Variants in SNX19 observed in about 807,000 individuals in gnomAD.
SNX19 encodes the protein sorting nexin-19.
A neutral mutation model predicts 85.2 loss-of-function variants in SNX19; 60 were observed. The observed-to-expected ratio is 0.70, with a 90% confidence interval of 0.57 to 0.87. The LOEUF (loss-of-function observed/expected upper bound fraction) is 0.87. SNX19 is among the 40% of genes least tolerant of loss of function. SNX19 has a pLI of 0.00. For synonymous variants in SNX19, 520 were observed against 470.0 expected (o/e 1.11, Z -1.38); for missense variants, 1,201 against 1,217.8 (o/e 0.99, Z 0.21).
At chr11:130,905,742 T>C in intron 7 of SNX19, 1 of 1,536,822 alleles carries the variant, frequency 6.5e-7, no homozygotes, top group Non-Finnish European at 8.7e-7. Flanking sequence ...TTCCTGTGTT[T>C]GTGCCCTGTT....
At chr11:130,886,631 A>G (rs1944096472) in intron 8 of SNX19, among the ~76,000 whole-genome samples, 1 of 152,162 alleles carries the variant, frequency 6.6e-6, no homozygotes, top group African/African-American at 2.4e-5. Context: ...AGTAGCAGCA[A>G]TCTATAGGGT....
rs77932631 is a variant in SNX19, at chr11:130,886,346, T to C, written c.2574-5540A>G. On this transcript the variant is annotated intron_variant, in intron 8 of 10. Coordinates refer to ENST00000265909, the MANE Select transcript of SNX19 (RefSeq NM_014758.3). ...ATATGTGTGTATGCGCCTGTGCCTA[T>C]GTGCATGCTCACAGTGGGCTGCAAC... 1.1e-3 allele frequency among the ~76,000 whole-genome samples: 174 copies of C among 152,310 alleles called. 1 individual carries two copies. Among genetic ancestry groups the C allele is most frequent in the African/African-American group, 3.6e-3 (149 of 41,574 alleles).
chr11:130,898,343 G>A (rs2135360139), intron 8 of SNX19, among the ~76,000 whole-genome samples: 1 of 152,278 alleles, frequency 6.6e-6, no homozygotes, highest in Non-Finnish European at 1.5e-5. Flanking sequence ...ATTTTAAGGA[G>A]GAGATGCACT....
chr11:130,878,512 C>A lies in SNX19; in HGVS notation c.2889G>T (p.Leu963Phe). ...ACTCCTCAACAGAGGCACTGAGATC[C>A]AAGAATTCCAGGATGATGTCCCCAA... ...YCLGDIILEF[L>F]DLSASVEESA... Residue 963 changes from leucine (L) to phenylalanine (F), a missense_variant, in exon 11 of 11, where the codon TTG becomes TTT. Transcript: ENST00000265909. The A allele has an allele frequency of 6.2e-7, 1 of 1,613,782 alleles. No homozygotes were observed. Among genetic ancestry groups the A allele is most frequent in the Non-Finnish European group, 8.5e-7 (1 of 1,179,844 alleles).
At chr11:130,887,997 T>A (rs1009105267) in intron 8 of SNX19, among the ~76,000 whole-genome samples, 9 of 151,888 alleles carry the variant, frequency 5.9e-5, no homozygotes, top group Non-Finnish European at 1.3e-4. Context: ...ATACTTCTCA[T>A]ACAGCCGAAG....
rs1019177859 is a variant in SNX19 at position 130,874,865 on chromosome 11, C to CAA, written c.*3555_*3556dup. 1.3e-5 allele frequency among the ~76,000 whole-genome samples: 2 copies of CAA among 152,180 alleles called. No individual in the cohort carries two copies. The highest frequency in any genetic ancestry group is 2.1e-4 in the South Asian group (1 of 4,832). ...GCCATTATGAAAAAACAAAACATTACAAGTGTTGGAGAGGATGTGGAGAAA... is the reference window on the plus strand; with the variant it reads ...GCCATTATGAAAAAACAAAACATTACAAAAGTGTTGGAGAGGATGTGGAGAAA... On this transcript the variant is annotated 3_prime_UTR_variant, in exon 11 of 11. Transcript: ENST00000265909.
intron 7 of SNX19, among the ~76,000 whole-genome samples, chr11:130,904,966 T>G (rs901432187): frequency 2.0e-5 from 3 of 152,214 alleles, no homozygotes; most frequent in African/African-American, 7.2e-5. Context: ...TTTCACAGAC[T>G]TAAATTGAGG....
chr11:130,874,706 T>C lies in SNX19; in HGVS notation c.*3716A>G, dbSNP rs912575159. Among the ~76,000 whole-genome samples the C allele has an allele frequency of 6.6e-6, 1 of 152,232 alleles. No homozygotes were observed. The highest frequency in any genetic ancestry group is 1.5e-5 in the Non-Finnish European group (1 of 68,048). On this transcript the variant is annotated 3_prime_UTR_variant, in exon 11 of 11. Coordinates refer to ENST00000265909, the MANE Select transcript of SNX19 (RefSeq NM_014758.3). Reference sequence around the variant, plus strand: ...TCCTCCAGGACCTAACAACTGGTGTTGTGTGCTATGAGCAAAGGAAGAGCA... The same window carrying C: ...TCCTCCAGGACCTAACAACTGGTGTCGTGTGCTATGAGCAAAGGAAGAGCA...
chr11:130,878,990 G>A (rs1943455708), intron 10 of SNX19, among the ~76,000 whole-genome samples: 1 of 152,178 alleles, frequency 6.6e-6, no homozygotes, highest in African/African-American at 2.4e-5. Flanking sequence ...AGTCTACTTT[G>A]GGGTAGGGTT....
chr11:130,906,808 A>T lies in SNX19; in HGVS notation c.2166-87T>A. On this transcript the variant is annotated intron_variant, in intron 5 of 10. Transcript: ENST00000265909. ...GGCTGGCAAGTACTGATAATAAAAC[A>T]CAACAAGAATATCCATACTTATTCT... The T allele has an allele frequency of 3.3e-6, 3 of 922,532 alleles. 1 individual carries two copies. The South Asian group carries it at 4.1e-5, about 13-fold the overall frequency. The allele number at this position is 922,532 out of a possible 1,614,324, so 57.1% of individuals were successfully genotyped here. A position where few individuals can be genotyped will look rare whatever the true frequency, so the allele number is the denominator to read the frequency against.
At chr11:130,893,212 T>C (rs1046810009) in intron 8 of SNX19, among the ~76,000 whole-genome samples, 3 of 152,126 alleles carry the variant, frequency 2.0e-5, no homozygotes, top group Admixed American at 6.5e-5. Flanking sequence ...TAAGTAATTA[T>C]GTGCTCGCAG....
intron 8 of SNX19, among the ~76,000 whole-genome samples, chr11:130,902,865 C>T (rs1945350043): frequency 6.6e-6 from 1 of 152,190 alleles, no homozygotes. Flanking sequence ...TTCTCCTTTT[C>T]TTTCCCACTG....
At chr11:130,911,318 A>C (rs1005133759) in intron 2 of SNX19, 1 of 433,304 alleles carries the variant, frequency 2.3e-6, no homozygotes, top group Non-Finnish European at 3.3e-6. Context: ...AAGAACCACC[A>C]ATCTATGAAT....
chr11:130,885,221 C>T (rs2135298526), intron 8 of SNX19, among the ~76,000 whole-genome samples: 1 of 152,232 alleles, frequency 6.6e-6, no homozygotes, highest in South Asian at 2.1e-4. Context: ...ATTTTGACCC[C>T]AAGACATTCA....
Position 130,915,163 on chromosome 11 carries a change from C to T in SNX19, c.777G>A (p.Trp259Ter), listed in dbSNP as rs1263279185. 35 of 1,614,056 alleles carry T rather than the reference C, an allele frequency of 2.2e-5. No homozygotes were observed. Among genetic ancestry groups the T allele is most frequent in the Non-Finnish European group, 3.0e-5 (35 of 1,180,054 alleles). The change falls in exon 1 of 11, where the codon TGG (tryptophan) becomes TGA (stop). Residue 259 changes from tryptophan to a stop codon, truncating the protein, a stop_gained. Transcript: ENST00000265909. LOFTEE classifies it high-confidence loss of function. ...PLISRLSDPDWIHLVLVGIFS... is the reference protein window; with the variant it reads ...PLISRLSDPD The stretch of plus-strand genomic sequence containing the variant: ...AGATACCCACGAGTACAAGGTGGAT[C>T]CAGTCAGGATCTGACAGCCTGCTGA...
intron 6 of SNX19, 99 bp downstream of exon 6, chr11:130,906,526 A>C: frequency 1.2e-6 from 1 of 837,074 alleles, no homozygotes; most frequent in South Asian, 1.4e-5. Context: ...GTCATTTAGC[A>C]GGACATTTCT....
rs1187487872 is a variant in SNX19, at chr11:130,915,667, G to A, written c.273C>T (p.Cys91=). 2 of 1,614,124 alleles carry A rather than the reference G, an allele frequency of 1.2e-6. No individual in the cohort carries two copies. Among genetic ancestry groups the A allele is most frequent in the Admixed American group, 1.7e-5 (1 of 60,012 alleles). ...RFIPLATCPP[C]PEAERQLERE... ...GTTCCAGCTGCCTTTCTGCCTCAGG[G>A]CATGGAGGACAGGTGGCCAACGGGA... Residue 91 remains cysteine (C), a synonymous_variant, in exon 1 of 11, where the codon TGC becomes TGT. Transcript: ENST00000265909.
At position 130,914,915 on chromosome 11, in the gene SNX19, C is replaced by T. The variant is rs1946429423; in HGVS notation, c.1025G>A (p.Gly342Glu). The T allele has an allele frequency of 2.5e-6, 4 of 1,614,186 alleles. No individual in the cohort carries two copies. The highest frequency in any genetic ancestry group is 3.4e-6 in the Non-Finnish European group (4 of 1,180,040). The change falls in exon 1 of 11, where the codon GGG becomes GAG. Residue 342 changes from glycine (G) to glutamate (E), a missense_variant. Gly to Glu is a moderately conservative substitution (Grantham distance 98). Coordinates refer to ENST00000265909, the MANE Select transcript of SNX19 (RefSeq NM_014758.3). ...GHEAVEGDLG[G>E]MCEERKVGNN... is the part of the protein sequence containing the mutation. ...TCCTACTTTTCTTTCTTCACACATCCCACCCAAATCTCCCTCTACAGCTTC... is the reference window on the plus strand; with the variant it reads ...TCCTACTTTTCTTTCTTCACACATCTCACCCAAATCTCCCTCTACAGCTTC...
chr11:130,879,792 T>C (rs1405653862), intron 9 of SNX19, 81 bp from the exon 10 acceptor site: 2 of 1,335,362 alleles, frequency 1.5e-6, no homozygotes, highest in Non-Finnish European at 2.1e-6. Context: ...CCAGGATCTC[T>C]GCCGTTTTTA....
Sources: gnomAD v4.1 joint callset for allele counts (sites outside exome capture counted in the v4.1 genomes callset) on GRCh38, gnomAD v4.1.1 for gene constraint, MANE v1.5 for transcripts, NCBI Gene and HGNC (gene_info 2026-07-23, HGNC 2026-07-21) for gene names.